The following ABCA13 variants were observed in gnomAD, a reference collection of about 807,000 sequenced individuals.
ABCA13 encodes the protein ATP-binding cassette sub-family A member 13.
Under a neutral mutation model 478.7 loss-of-function variants are expected in ABCA13, and 476 were observed. The observed-to-expected ratio is 0.99, with a 90% CI of 0.92 to 1.07. The LOEUF (loss-of-function observed/expected upper bound fraction) is 1.07, where lower values mean the gene tolerates loss of function less well. ABCA13 is among the 50% of genes least tolerant of loss of function. The probability of loss-of-function intolerance (pLI) is 0.00; values close to 1 mark genes in which losing one functional copy is unlikely to be tolerated. For synonymous variants in ABCA13, 2,252 were observed against 2,158.9 expected (o/e 1.04, Z -1.20); for missense variants, 6,060 against 5,910.6 (o/e 1.03, Z -0.83).
chr7:48,613,299 C>T (rs1792212384), intron 58 of ABCA13, among the ~76,000 whole-genome samples: 1 of 152,028 alleles, frequency 6.6e-6, no homozygotes, highest in East Asian at 1.9e-4. Flanking sequence ...AGTGATTCTC[C>T]TGCCTCAGCC....
chr7:48,562,901 T>C (rs1221270135), intron 55 of ABCA13, among the ~76,000 whole-genome samples: 1 of 152,060 alleles, frequency 6.6e-6, no homozygotes, highest in Non-Finnish European at 1.5e-5. Flanking sequence ...TATGTTGTGA[T>C]TTCCAAAAAG....
At chr7:48,475,127 C>T (rs1827937757) in intron 45 of ABCA13, among the ~76,000 whole-genome samples, 1 of 152,166 alleles carries the variant, frequency 6.6e-6, no homozygotes, top group Non-Finnish European at 1.5e-5. Flanking sequence ...AAGAGTCCTT[C>T]CCTTTTGTGG....
At position 48,255,763 on chromosome 7, in the gene ABCA13, A is replaced by G. The variant is rs191298671; in HGVS notation, c.2005+6412A>G. ...CTTTGCTATTGTGAATAGTACTGTG[A>G]TGAACATATGTGTGCATGTGTCTTT... On this transcript the variant is annotated intron_variant, in intron 15 of 61. Coordinates refer to ENST00000435803, the MANE Select transcript of ABCA13 (RefSeq NM_152701.5). Among the ~76,000 whole-genome samples, 539 of 152,304 alleles carry G rather than the reference A, an allele frequency of 3.5e-3. 5 individuals are homozygous for G. The highest frequency in any genetic ancestry group is 0.012 in the African/African-American group (508 of 41,560).
chr7:48,535,923 G>A (rs1453747813), intron 55 of ABCA13, among the ~76,000 whole-genome samples: 3 of 152,174 alleles, frequency 2.0e-5, no homozygotes, highest in Admixed American at 1.3e-4. Flanking sequence ...CTGAGAACTT[G>A]CCCCAGAGAA....
intron 42 of ABCA13, among the ~76,000 whole-genome samples, chr7:48,432,347 A>G (rs567113597): frequency 6.6e-6 from 1 of 152,306 alleles, no homozygotes; most frequent in South Asian, 2.1e-4. Context: ...TGTCAAGAAA[A>G]AGGAACTCTT....
chr7:48,406,056 A>G lies in ABCA13; in HGVS notation c.12070+2177A>G, dbSNP rs181187101. On this transcript the variant is annotated intron_variant, in intron 39 of 61. Coordinates refer to ENST00000435803, the MANE Select transcript of ABCA13 (RefSeq NM_152701.5). ...CAGATCTAAGGACTGTGCAGAAACA[A>G]ACACTTCCTTCTGAGAAGAAAGAGC... Among the ~76,000 whole-genome samples the G allele has an allele frequency of 2.6e-4, 39 of 152,306 alleles. 1 individual carries two copies. In the East Asian group the frequency reaches 6.8e-3, roughly 26 times the overall value.
At chr7:48,609,565 A>G (rs958282553) in intron 58 of ABCA13, among the ~76,000 whole-genome samples, 4 of 152,224 alleles carry the variant, frequency 2.6e-5, no homozygotes, top group Non-Finnish European at 5.9e-5. Flanking sequence ...AACCTTGCGT[A>G]CTACTTTTCT....
intron 1 of ABCA13, among the ~76,000 whole-genome samples, chr7:48,182,948 A>G (rs1233260737): frequency 6.6e-6 from 1 of 152,184 alleles, no homozygotes; most frequent in Non-Finnish European, 1.5e-5. Context: ...GAACTTCAAA[A>G]TACATCTGGG....
intron 50 of ABCA13, among the ~76,000 whole-genome samples, chr7:48,510,606 C>A (rs1004708773): frequency 1.3e-5 from 2 of 152,060 alleles, no homozygotes; most frequent in African/African-American, 2.4e-5. Flanking sequence ...GTAGCTTCAC[C>A]CCGGAAACTT....
At chr7:48,173,050 A>G (rs542319260) in intron 1 of ABCA13, among the ~76,000 whole-genome samples, 3 of 152,202 alleles carry the variant, frequency 2.0e-5, no homozygotes, top group Non-Finnish European at 4.4e-5. Context: ...ACCTCAAAAC[A>G]GTTCAGTGAC....
At chr7:48,610,690 C>T (rs765109819) in intron 58 of ABCA13, among the ~76,000 whole-genome samples, 2 of 152,222 alleles carry the variant, frequency 1.3e-5, no homozygotes, top group African/African-American at 2.4e-5. Context: ...GGTGGAGGCT[C>T]CTAAGCCTCA....
intron 3 of ABCA13, among the ~76,000 whole-genome samples, chr7:48,207,902 C>T (rs1431165967): frequency 6.6e-6 from 1 of 151,940 alleles, no homozygotes; most frequent in Non-Finnish European, 1.5e-5. Flanking sequence ...GAGTGTTTCC[C>T]CAAAGTTTTA....
chr7:48,332,857 C>T lies in ABCA13; in HGVS notation c.10000-2565C>T, dbSNP rs920131984. 1.4e-4 allele frequency among the ~76,000 whole-genome samples: 21 copies of T among 152,136 alleles called. 1 individual carries two copies. The East Asian group carries it at 4.1e-3, about 29-fold the overall frequency. ...GTAACATGTTATGGTTCTCTGGCTGCTTTAAAGCTTTTACTGTGTTCAGAT... is the reference window on the plus strand; with the variant it reads ...GTAACATGTTATGGTTCTCTGGCTGTTTTAAAGCTTTTACTGTGTTCAGAT... On this transcript the variant is annotated intron_variant, in intron 27 of 61. Transcript: ENST00000435803.
chr7:48,502,238 A>T (rs1830819626), intron 48 of ABCA13, among the ~76,000 whole-genome samples: 2 of 152,316 alleles, frequency 1.3e-5, no homozygotes, highest in Admixed American at 1.3e-4. Context: ...GGGAGACCAG[A>T]TGTACTCTCG....
chr7:48,330,655 A>G (rs1440668747), intron 27 of ABCA13, among the ~76,000 whole-genome samples: 2 of 151,712 alleles, frequency 1.3e-5, no homozygotes, highest in Non-Finnish European at 2.9e-5. Context: ...CCATCCATCT[A>G]TTCATTCATT....
intron 15 of ABCA13, among the ~76,000 whole-genome samples, chr7:48,253,889 C>T (rs1445289414): frequency 6.6e-6 from 1 of 151,678 alleles, no homozygotes; most frequent in Non-Finnish European, 1.5e-5. Context: ...TTTCTTTTAC[C>T]TCAATTTCTT....
chr7:48,187,206 A>G (rs146740708), intron 1 of ABCA13, among the ~76,000 whole-genome samples: 14,431 of 149,540 alleles, frequency 0.097, 1,015 homozygotes, highest in Non-Finnish European at 0.15. Flanking sequence ...GGCATCTAAC[A>G]TGAAATGTTT....
chr7:48,331,469 C>A (rs1057310681), intron 27 of ABCA13, among the ~76,000 whole-genome samples: 1 of 152,042 alleles, frequency 6.6e-6, no homozygotes, highest in African/African-American at 2.4e-5. Flanking sequence ...TATTTCAGTC[C>A]ATTGCTGTTT....
At chr7:48,586,792 T>A (rs571588254) in intron 56 of ABCA13, among the ~76,000 whole-genome samples, 1 of 152,212 alleles carries the variant, frequency 6.6e-6, no homozygotes. Flanking sequence ...GCTATTAGTT[T>A]CATTCCCATT....
Sources: allele counts gnomAD v4.1 joint callset (sites outside exome capture counted in the v4.1 genomes callset), GRCh38; gene constraint gnomAD v4.1.1; transcripts MANE v1.5; gene names NCBI Gene and HGNC (gene_info 2026-07-23, HGNC 2026-07-21).